Variants in LGSN observed in about 807,000 individuals in gnomAD.
LGSN encodes lengsin, lens protein with glutamine synthetase domain.
In LGSN, 21 loss-of-function variants were observed where a neutral mutation model predicts 19.5. That is an observed-to-expected ratio of 1.07 (90% CI 0.76 to 1.55). The LOEUF is 1.55. Among genes scored for constraint, LGSN ranks in the 40% most tolerant of loss-of-function variants. The pLI is 0.00. For synonymous variants in LGSN, 257 were observed against 215.6 expected (o/e 1.19, Z -1.68); for missense variants, 673 against 608.5 (o/e 1.11, Z -1.12).
chr6:63,293,831 G>T, intron 2 of LGSN: 1 of 453,988 alleles, frequency 2.2e-6, no homozygotes, highest in African/African-American at 2.0e-5. Flanking sequence ...CTAATTTGTG[G>T]CACACCATTT....
chr6:63,405,127 A>G, the LGSN span, among the ~76,000 whole-genome samples: 2 of 152,006 alleles, frequency 1.3e-5, no homozygotes, highest in South Asian at 4.1e-4. Flanking sequence ...CCTACAAAGG[A>G]CATGAACTCA....
chr6:63,470,402 C>T, the LGSN span, among the ~76,000 whole-genome samples: 3 of 150,818 alleles, frequency 2.0e-5, no homozygotes, highest in African/African-American at 4.9e-5. Context: ...TGAACCCAGG[C>T]GGCGGAGGTT....
the LGSN span, among the ~76,000 whole-genome samples, chr6:63,349,759 T>C: frequency 1.3e-5 from 2 of 152,154 alleles, no homozygotes; most frequent in Non-Finnish European, 2.9e-5. Flanking sequence ...ATAACACAAA[T>C]TTATGATAGC....
chr6:63,359,377 TC>T, the LGSN span, among the ~76,000 whole-genome samples: 1 of 152,238 alleles, frequency 6.6e-6, no homozygotes, highest in African/African-American at 2.4e-5. Flanking sequence ...TCTGTCTTTT[TC>T]TATTGATTGG....
the LGSN span, among the ~76,000 whole-genome samples, chr6:63,348,788 G>T: frequency 3.8e-5 from 5 of 131,114 alleles, no homozygotes; most frequent in Admixed American, 8.5e-5. Flanking sequence ...GTGGGGTCTT[G>T]CTGTGTTGCC....
At chr6:63,426,342 T>C in the LGSN span, among the ~76,000 whole-genome samples, 3 of 152,194 alleles carry the variant, frequency 2.0e-5, no homozygotes, top group Non-Finnish European at 4.4e-5. Flanking sequence ...AACGCAATTA[T>C]AGTCTAAAGA....
the LGSN span, among the ~76,000 whole-genome samples, chr6:63,489,788 C>A: frequency 8.1e-4 from 123 of 152,336 alleles, no homozygotes; most frequent in African/African-American, 2.8e-3. Flanking sequence ...CTCACTGCAA[C>A]CTCCGTCTCC....
chr6:63,516,138 G>T, the LGSN span, among the ~76,000 whole-genome samples: 2 of 152,094 alleles, frequency 1.3e-5, no homozygotes, highest in African/African-American at 4.8e-5. Flanking sequence ...ATATTTTAAT[G>T]AAGTTAAAAC....
rs115702018 is a variant in LGSN, at chr6:63,291,282, G to A, written c.163+3631C>T. On this transcript the variant is annotated intron_variant, in intron 2 of 3. Coordinates refer to ENST00000370657, the MANE Select transcript of LGSN (RefSeq NM_016571.3). ...CAGCTCAGTGGAAATTCCGGGTAAC[G>A]GCCTTTTACACCCTATTCTCTAGGT... Among the ~76,000 whole-genome samples the A allele has an allele frequency of 5.0e-3, 766 of 152,234 alleles. 5 individuals are homozygous for A. Among genetic ancestry groups the A allele is most frequent in the Middle Eastern group, 0.01 (3 of 294 alleles).
rs1767923878 is a variant in LGSN at position 63,294,976 on chromosome 6, T to C, written c.100A>G (p.Lys34Glu). 1.2e-6 allele frequency: 2 copies of C among 1,613,750 alleles called. No individual in the cohort carries two copies. Among genetic ancestry groups the C allele is most frequent in the Admixed American group, 3.3e-5 (2 of 60,014 alleles). Reference protein sequence around the residue: ...SMNTLRRTRKKVTKPYVCSTE... With the variant: ...SMNTLRRTRKEVTKPYVCSTE... ...GAACAAACATATGGTTTAGTGACTTTCTTCCTTGTCCTTCTTAATGTGTTC... is the reference window on the plus strand; with the variant it reads ...GAACAAACATATGGTTTAGTGACTTCCTTCCTTGTCCTTCTTAATGTGTTC... Residue 34 changes from lysine (K) to glutamate (E), a missense_variant, in exon 2 of 4, where the codon AAA becomes GAA. Transcript: ENST00000370657.
chr6:63,569,320 A>T, the LGSN span, among the ~76,000 whole-genome samples: 1 of 152,152 alleles, frequency 6.6e-6, no homozygotes, highest in Non-Finnish European at 1.5e-5. Flanking sequence ...CAGTGCCATG[A>T]TCTCGGCTCA....
chr6:63,305,800 C>A (rs1241882724), intron 1 of LGSN, among the ~76,000 whole-genome samples: 1 of 152,036 alleles, frequency 6.6e-6, no homozygotes, highest in Non-Finnish European at 1.5e-5. Context: ...GTGGCTCACG[C>A]CTGTAATCCC....
the LGSN span, among the ~76,000 whole-genome samples, chr6:63,412,674 G>GAAGA: frequency 9.7e-5 from 11 of 113,818 alleles, no homozygotes; most frequent in Non-Finnish European, 1.4e-4. Flanking sequence ...GGAAGGAAAG[G>GAAGA]AAGAAAGAAA....
At chr6:63,419,924 A>G in the LGSN span, among the ~76,000 whole-genome samples, 2 of 82,020 alleles carry the variant, frequency 2.4e-5, no homozygotes, top group African/African-American at 9.3e-5. Context: ...AAAAAAAAAA[A>G]GCCTGGTATG....
chr6:63,563,235 C>T, the LGSN span, among the ~76,000 whole-genome samples: 1 of 152,190 alleles, frequency 6.6e-6, no homozygotes, highest in Non-Finnish European at 1.5e-5. Flanking sequence ...TGGTGTGATT[C>T]ACTGTCAGCA....
the LGSN span, chr6:63,573,462 G>C: frequency 1.3e-5 from 2 of 152,168 alleles, no homozygotes; most frequent in Non-Finnish European, 2.9e-5. Context: ...GCCCGCGCCT[G>C]ACTGAAGGCG....
At chr6:63,503,834 A>G in the LGSN span, among the ~76,000 whole-genome samples, 1 of 152,092 alleles carries the variant, frequency 6.6e-6, no homozygotes, top group Non-Finnish European at 1.5e-5. Flanking sequence ...GAGAATCACC[A>G]GAGCCTGAGG....
At chr6:63,464,329 C>A in the LGSN span, among the ~76,000 whole-genome samples, 2 of 152,010 alleles carry the variant, frequency 1.3e-5, no homozygotes, top group Non-Finnish European at 2.9e-5. Context: ...TTGCATGCAG[C>A]AATTGCATGG....
At chr6:63,378,816 C>A in the LGSN span, among the ~76,000 whole-genome samples, 1,341 of 152,236 alleles carry the variant, frequency 8.8e-3, 17 homozygotes, top group Middle Eastern at 0.024. Flanking sequence ...TCACAGTCCC[C>A]GCCTCTGACA....
Sources: gnomAD v4.1 joint callset for allele counts (sites outside exome capture counted in the v4.1 genomes callset) on GRCh38, gnomAD v4.1.1 for gene constraint, MANE v1.5 for transcripts, NCBI Gene and HGNC (gene_info 2026-07-23, HGNC 2026-07-21) for gene names.